Variants in NKAIN2 observed in about 807,000 individuals in gnomAD.
NKAIN2 encodes the protein sodium/potassium-transporting ATPase subunit beta-1-interacting protein 2.
NKAIN2 carries 14 observed loss-of-function variants against 32.6 expected under a neutral mutation model. The observed-to-expected ratio is 0.43, with a 90% CI of 0.28 to 0.67. The LOEUF (loss-of-function observed/expected upper bound fraction) is 0.67, where lower values mean the gene tolerates loss of function less well. NKAIN2 is among the 30% of genes least tolerant of loss of function. NKAIN2 has a pLI of 0.17. For synonymous variants in NKAIN2, 80 were observed against 87.2 expected, an observed-to-expected ratio of 0.92 and a Z score of 0.46; for missense variants, 198 against 258.3, an observed-to-expected ratio of 0.77 and a Z score of 1.60.
chr6:124,344,560 T>G (rs1439693242), intron 2 of NKAIN2, among the ~76,000 whole-genome samples: 1 of 151,692 alleles, frequency 6.6e-6, no homozygotes, highest in Non-Finnish European at 1.5e-5. Flanking sequence ...CCCTTGTAAG[T>G]TGGATTCCTA....
intron 1 of NKAIN2, among the ~76,000 whole-genome samples, chr6:124,012,744 T>TG (rs1780394799): frequency 6.6e-6 from 1 of 152,208 alleles, no homozygotes; most frequent in Non-Finnish European, 1.5e-5. Flanking sequence ...AATAGACACT[T>TG]GGGTTGTTTC....
At chr6:124,674,028 G>C (rs1175798475) in intron 4 of NKAIN2, among the ~76,000 whole-genome samples, 1 of 151,798 alleles carries the variant, frequency 6.6e-6, no homozygotes, top group Non-Finnish European at 1.5e-5. Flanking sequence ...CTTCCATTTT[G>C]ATTTGGTTTT....
At chr6:124,345,884 T>A (rs2115103248) in intron 2 of NKAIN2, among the ~76,000 whole-genome samples, 2 of 152,344 alleles carry the variant, frequency 1.3e-5, no homozygotes, top group Middle Eastern at 3.4e-3. Flanking sequence ...AGCTTTTGAA[T>A]GTGTTTGCTC....
intron 2 of NKAIN2, among the ~76,000 whole-genome samples, chr6:124,339,235 C>T (rs892062376): frequency 2.0e-5 from 3 of 152,010 alleles, no homozygotes; most frequent in Non-Finnish European, 4.4e-5. Context: ...CAGCTACTCA[C>T]CCGGGAGGCT....
chr6:124,554,040 G>A (rs752431069), intron 3 of NKAIN2, among the ~76,000 whole-genome samples: 7 of 152,124 alleles, frequency 4.6e-5, no homozygotes, highest in South Asian at 4.1e-4. Context: ...AACCAGAAGC[G>A]TTCCCCAGAG....
chr6:124,815,238 ATATGTATATATG>A (rs1311029592), intron 5 of NKAIN2, among the ~76,000 whole-genome samples: 2 of 143,998 alleles, frequency 1.4e-5, no homozygotes, highest in Admixed American at 7.0e-5. Flanking sequence ...ATATATATAT[ATATGTATATATG>A]TATATATATA....
At chr6:124,209,923 T>G (rs950216406) in intron 1 of NKAIN2, among the ~76,000 whole-genome samples, 1 of 151,964 alleles carries the variant, frequency 6.6e-6, no homozygotes, top group Non-Finnish European at 1.5e-5. Flanking sequence ...TTTTGATTGC[T>G]TCCTTTGCTG....
chr6:124,480,725 G>A (rs556931623), intron 3 of NKAIN2, among the ~76,000 whole-genome samples: 6,869 of 151,524 alleles, frequency 0.045, 267 homozygotes, highest in Non-Finnish European at 0.066. Flanking sequence ...TTTATTCTTA[G>A]GATTTCTTTG....
At chr6:124,725,842 G>A (rs1776263326) in intron 4 of NKAIN2, among the ~76,000 whole-genome samples, 1 of 152,210 alleles carries the variant, frequency 6.6e-6, no homozygotes, top group Admixed American at 6.5e-5. Flanking sequence ...GCAGGTCAGT[G>A]GGTGCATGCA....
intron 1 of NKAIN2, among the ~76,000 whole-genome samples, chr6:124,022,168 G>C (rs1020390663): frequency 3.8e-4 from 58 of 151,794 alleles, no homozygotes; most frequent in Non-Finnish European, 7.4e-4. Flanking sequence ...CCTTGAGATA[G>C]TTTGCTCAGA....
At chr6:123,815,932 T>C (rs1470620809) in intron 1 of NKAIN2, among the ~76,000 whole-genome samples, 1 of 152,102 alleles carries the variant, frequency 6.6e-6, no homozygotes, top group African/African-American at 2.4e-5. Flanking sequence ...ATGGTAGATA[T>C]ACCGTTAATA....
intron 4 of NKAIN2, among the ~76,000 whole-genome samples, chr6:124,711,257 C>T (rs1405301281): frequency 1.3e-5 from 1 of 77,192 alleles, no homozygotes; most frequent in East Asian, 3.1e-4. Flanking sequence ...TCTGGCTGCG[C>T]TTAACATTTT....
chr6:124,593,124 TC>T (rs1781969333), intron 3 of NKAIN2, among the ~76,000 whole-genome samples: 1 of 152,170 alleles, frequency 6.6e-6, no homozygotes, highest in Non-Finnish European at 1.5e-5. Context: ...TTTTTCTACC[TC>T]AATTTCTTGT....
At chr6:124,127,808 G>A (rs1484863101) in intron 1 of NKAIN2, among the ~76,000 whole-genome samples, 2 of 152,062 alleles carry the variant, frequency 1.3e-5, no homozygotes, top group Non-Finnish European at 2.9e-5. Flanking sequence ...CATCAGGAGA[G>A]TGAGGAGGTC....
chr6:124,679,127 C>A (rs936387825), intron 4 of NKAIN2, among the ~76,000 whole-genome samples: 17 of 151,972 alleles, frequency 1.1e-4, no homozygotes, highest in African/African-American at 4.1e-4. Context: ...AAGAGAGAAG[C>A]CAGTCCCTGG....
At chr6:124,300,983 G>T (rs935551301) in intron 2 of NKAIN2, among the ~76,000 whole-genome samples, 1 of 152,200 alleles carries the variant, frequency 6.6e-6, no homozygotes, top group African/African-American at 2.4e-5. Context: ...GTAACAAGGA[G>T]CCAAATGCTA....
chr6:124,810,207 A>C (rs983568267), intron 5 of NKAIN2, among the ~76,000 whole-genome samples: 2 of 152,064 alleles, frequency 1.3e-5, no homozygotes, highest in Non-Finnish European at 2.9e-5. Flanking sequence ...GGCACTATTC[A>C]CAATAGCAAA....
chr6:124,407,587 G>A (rs1170329626), intron 3 of NKAIN2, among the ~76,000 whole-genome samples: 4 of 151,984 alleles, frequency 2.6e-5, no homozygotes, highest in East Asian at 1.9e-4. Flanking sequence ...TCTTAATCCA[G>A]TCTATCATTG....
At chr6:123,976,360 T>TTCCC (rs1778609952) in intron 1 of NKAIN2, among the ~76,000 whole-genome samples, 2 of 29,822 alleles carry the variant, frequency 6.7e-5, no homozygotes, top group African/African-American at 3.1e-4. Flanking sequence ...TATATATATA[T>TTCCC]ATATATATTC....
Sources: allele counts gnomAD v4.1 joint callset (sites outside exome capture counted in the v4.1 genomes callset), GRCh38; gene constraint gnomAD v4.1.1; transcripts MANE v1.5; gene names NCBI Gene and HGNC (gene_info 2026-07-23, HGNC 2026-07-21).